AGTPBP1: variants seen among roughly 807,000 people sequenced by gnomAD.
AGTPBP1 encodes ATP/GTP binding carboxypeptidase 1, also known as cytosolic carboxypeptidase 1.
A neutral mutation model predicts 143.9 loss-of-function variants in AGTPBP1; 70 were observed. The ratio of observed to expected loss-of-function variants is 0.49; its 90% CI spans 0.40 to 0.59. AGTPBP1 has a LOEUF of 0.59. Among genes scored for constraint, AGTPBP1 ranks in the 20% least tolerant of loss-of-function variants. The pLI, the probability that AGTPBP1 is intolerant of heterozygous loss-of-function variation, is 0.00. For synonymous variants in AGTPBP1, 463 were observed against 500.2 expected (o/e 0.93, Z 0.99); for missense variants, 1,229 against 1,464.5 (o/e 0.84, Z 2.62).
chr9:85,579,614 G>T (rs1480955690), intron 23 of AGTPBP1, among the ~76,000 whole-genome samples: 1 of 150,212 alleles, frequency 6.7e-6, no homozygotes, highest in Non-Finnish European at 1.5e-5. Flanking sequence ...GCGAGGGGGG[G>T]GGTGTAAGGC....
chr9:85,679,555 C>T (rs938829327), intron 4 of AGTPBP1, among the ~76,000 whole-genome samples: 1 of 152,064 alleles, frequency 6.6e-6, no homozygotes, highest in African/African-American at 2.4e-5. Flanking sequence ...CTACAGGCGT[C>T]CGCCACCACA....
intron 19 of AGTPBP1, among the ~76,000 whole-genome samples, chr9:85,591,559 T>C (rs967460546): frequency 6.6e-6 from 1 of 152,090 alleles, no homozygotes; most frequent in Non-Finnish European, 1.5e-5. Context: ...CAAATAAAAA[T>C]AGTGCAAATA....
chr9:85,722,225 A>G (rs1838175107), intron 1 of AGTPBP1, among the ~76,000 whole-genome samples: 1 of 152,090 alleles, frequency 6.6e-6, no homozygotes, highest in African/African-American at 2.4e-5. Context: ...CTGCCTTGCT[A>G]GGTAGGGGAA....
intron 15 of AGTPBP1, 71 bp downstream of exon 15, chr9:85,621,131 T>G: frequency 1.2e-6 from 1 of 834,244 alleles, no homozygotes; most frequent in East Asian, 3.4e-5. Flanking sequence ...AATTTTTATC[T>G]TTTAGAAATA....
chr9:85,567,058 C>G (rs558768543), intron 25 of AGTPBP1, among the ~76,000 whole-genome samples: 8 of 152,258 alleles, frequency 5.3e-5, no homozygotes, highest in Middle Eastern at 3.4e-3. Context: ...TAAACTTGTG[C>G]TGGAGCCCTG....
the AGTPBP1 span, chr9:85,781,067 A>G: frequency 2.5e-6 from 3 of 1,179,826 alleles, no homozygotes; most frequent in Non-Finnish European, 3.3e-6. Context: ...CAGTGAGCCG[A>G]GCATATCACG....
At chr9:85,770,289 A>C in the AGTPBP1 span, 7 of 1,586,040 alleles carry the variant, frequency 4.4e-6, no homozygotes, top group Middle Eastern at 1.7e-4. Context: ...TCTAGGAAGA[A>C]CATGTTCTTT....
rs11326881 is a variant in AGTPBP1 at position 85,621,529 on chromosome 9, T to TA, written c.2016-245dup. Among the ~76,000 whole-genome samples, 359 of 142,668 alleles carry TA rather than the reference T, an allele frequency of 2.5e-3. 1 individual carries two copies. The highest frequency in any genetic ancestry group is 3.3e-3 in the Admixed American group (47 of 14,140). The allele number at this position is 142,668 out of a possible 152,430, so 93.6% of individuals were successfully genotyped here. ...ACAGCCAGCCACAAGTCCAATCATT[T>TA]AAAAAAAAAAAAAAAACTTGAATGT... On this transcript the variant is annotated intron_variant, in intron 14 of 25. Coordinates refer to ENST00000357081, the MANE Select transcript of AGTPBP1 (RefSeq NM_001330701.2).
intron 25 of AGTPBP1, among the ~76,000 whole-genome samples, chr9:85,553,472 T>C (rs1247194928): frequency 6.6e-6 from 1 of 152,232 alleles, no homozygotes; most frequent in South Asian, 2.1e-4. Context: ...ATGTTTAATG[T>C]AGGCTAGGCT....
intron 8 of AGTPBP1, among the ~76,000 whole-genome samples, chr9:85,661,283 T>C (rs1385482951): frequency 6.6e-6 from 1 of 152,110 alleles, no homozygotes; most frequent in Non-Finnish European, 1.5e-5. Context: ...CATCAGCCTC[T>C]GTATCTGACC....
At chr9:85,659,148 T>G (rs1241113737) in intron 9 of AGTPBP1, among the ~76,000 whole-genome samples, 1 of 152,126 alleles carries the variant, frequency 6.6e-6, no homozygotes, top group Non-Finnish European at 1.5e-5. Flanking sequence ...AGGTGCTGAG[T>G]GCCCCTTAAA....
chr9:85,557,579 C>G (rs1826431780), intron 25 of AGTPBP1, among the ~76,000 whole-genome samples: 1 of 152,096 alleles, frequency 6.6e-6, no homozygotes, highest in African/African-American at 2.4e-5. Context: ...TGTACCACAG[C>G]TATTAGAAAG....
chr9:85,669,515 G>A lies in AGTPBP1; in HGVS notation c.632C>T (p.Pro211Leu), dbSNP rs1421172404. ...VVELMFKIIG[P>L]FSKKNSSLIK... ...AAGACTGGAATTCTTCTTACTAAATGGTCCAATGATTTTAAACATCAGTTC... is the reference window on the plus strand; with the variant it reads ...AAGACTGGAATTCTTCTTACTAAATAGTCCAATGATTTTAAACATCAGTTC... The change falls in exon 8 of 26, where the codon CCA becomes CTA. Residue 211 changes from proline (P) to leucine (L), a missense_variant. Pro to Leu is a moderately conservative substitution (Grantham distance 98). This residue lies in a region of AGTPBP1 where 743 missense variants were observed against 812.2 expected (regional missense o/e 0.91). Transcript: ENST00000357081. 6.2e-7 allele frequency: 1 copy of A among 1,610,578 alleles called. No individual in the cohort carries two copies. The highest frequency in any genetic ancestry group is 8.5e-7 in the Non-Finnish European group (1 of 1,177,636).
chr9:85,742,225 C>T (rs888523686), upstream of AGTPBP1, among the ~76,000 whole-genome samples: 2 of 152,214 alleles, frequency 1.3e-5, no homozygotes, highest in East Asian at 1.9e-4. Flanking sequence ...GCTGCCGGTC[C>T]CTTGTACCCA....
intron 3 of AGTPBP1, among the ~76,000 whole-genome samples, chr9:85,683,388 A>G (rs950978159): frequency 6.6e-6 from 1 of 152,206 alleles, no homozygotes; most frequent in Non-Finnish European, 1.5e-5. Context: ...TTAATATTAA[A>G]GCCAAATTAT....
chr9:85,724,902 CACAA>C (rs1168592548), intron 1 of AGTPBP1, among the ~76,000 whole-genome samples: 3 of 152,142 alleles, frequency 2.0e-5, no homozygotes, highest in Admixed American at 1.3e-4. Context: ...AATTTTACTA[CACAA>C]ACAAGCAAGA....
intron 1 of AGTPBP1, among the ~76,000 whole-genome samples, chr9:85,723,585 C>T (rs1334329466): frequency 6.6e-6 from 1 of 152,188 alleles, no homozygotes; most frequent in Non-Finnish European, 1.5e-5. Context: ...ACCGTTCCTC[C>T]AAGTACAGAC....
intron 2 of AGTPBP1, among the ~76,000 whole-genome samples, chr9:85,703,658 C>A (rs1211169999): frequency 1.3e-5 from 2 of 152,144 alleles, no homozygotes; most frequent in Admixed American, 1.3e-4. Flanking sequence ...TCTGGGGGAA[C>A]ACATAATGTG....
At chr9:85,602,941 G>C (rs369234554) in intron 17 of AGTPBP1, among the ~76,000 whole-genome samples, 2 of 152,170 alleles carry the variant, frequency 1.3e-5, no homozygotes, top group Admixed American at 6.5e-5. Context: ...GAACTCAGCC[G>C]GTGTTCACGA....
Sources: gnomAD v4.1 joint callset for allele counts (sites outside exome capture counted in the v4.1 genomes callset) on GRCh38, gnomAD v4.1.1 for gene constraint, gnomAD v4.1.1 regional missense constraint, MANE v1.5 for transcripts, NCBI Gene and HGNC (gene_info 2026-07-23, HGNC 2026-07-21) for gene names.